PRKD3: variants seen among roughly 807,000 people sequenced by gnomAD.
PRKD3 encodes protein kinase D3, also known as serine/threonine-protein kinase D3.
A neutral mutation model predicts 99.2 loss-of-function variants in PRKD3; 47 were observed. That is an observed-to-expected ratio of 0.47 (90% CI 0.38 to 0.60). The LOEUF (loss-of-function observed/expected upper bound fraction) is 0.60, where lower values mean the gene tolerates loss of function less well. Among genes scored for constraint, PRKD3 ranks in the 20% least tolerant of loss-of-function variants. The probability of loss-of-function intolerance (pLI) is 0.00; values close to 1 mark genes in which losing one functional copy is unlikely to be tolerated. For missense variants in PRKD3, 1,019 were observed against 1,088.4 expected (o/e 0.94, Z 0.90); for synonymous variants, 392 against 355.4 (o/e 1.10, Z -1.16).
At chr2:37,311,886 G>A (rs945053172) in intron 2 of PRKD3, among the ~76,000 whole-genome samples, 1 of 152,078 alleles carries the variant, frequency 6.6e-6, no homozygotes, top group Admixed American at 6.6e-5. Context: ...GTCTAGGAAG[G>A]ACCTGTTTAA....
At position 37,309,850 on chromosome 2, in the gene PRKD3, A is replaced by C. The variant is rs1224577243; in HGVS notation, c.288+6387T>G. ...CGACAGAGCGAGACTCCGTCTCAAAAAAAAAAAAAAAAAAAAAGGCAGCAC... is the reference window on the plus strand; with the variant it reads ...CGACAGAGCGAGACTCCGTCTCAAACAAAAAAAAAAAAAAAAAGGCAGCAC... On this transcript the variant is annotated intron_variant, in intron 2 of 18. Transcript: ENST00000234179. Among the ~76,000 whole-genome samples the C allele has an allele frequency of 2.8e-5, 4 of 144,810 alleles. No homozygotes were observed. In the East Asian group the frequency reaches 7.8e-4, roughly 28 times the overall value.
At chr2:37,293,490 T>C (rs777817414) in intron 2 of PRKD3, among the ~76,000 whole-genome samples, 1 of 152,194 alleles carries the variant, frequency 6.6e-6, no homozygotes, top group Non-Finnish European at 1.5e-5. Flanking sequence ...TAAATAATCA[T>C]TGATGATTTT....
chr2:37,255,678 T>C (rs1405701031), intron 17 of PRKD3, among the ~76,000 whole-genome samples: 1 of 152,158 alleles, frequency 6.6e-6, no homozygotes, highest in Non-Finnish European at 1.5e-5. Flanking sequence ...TTCTGAAGAT[T>C]AGAAAAGTCA....
intron 8 of PRKD3, chr2:37,279,242 T>C (rs1669723081): frequency 6.6e-6 from 1 of 152,126 alleles, no homozygotes; most frequent in South Asian, 2.1e-4. Flanking sequence ...TTTAGAATGG[T>C]TTTACAGTCT....
rs763192669 is a variant in PRKD3 at position 37,269,687 on chromosome 2, C to T, written c.1705G>A (p.Asp569Asn). Residue 569 changes from aspartate (D) to asparagine (N), a missense_variant and splice_region_variant, in exon 13 of 19, where the codon GAT becomes AAT. Coordinates refer to ENST00000234179, the MANE Select transcript of PRKD3 (RefSeq NM_005813.6). Reference protein sequence around the residue: ...VSNCQIQENVDISTVYQIFAD... With the variant: ...VSNCQIQENVNISTVYQIFAD... ...AAGATCTGGTAAACAGTACTGATATCCTGGTAGGATAAAGTAAGGAGTTAG... is the reference window on the plus strand; with the variant it reads ...AAGATCTGGTAAACAGTACTGATATTCTGGTAGGATAAAGTAAGGAGTTAG... 1.2e-6 allele frequency: 2 copies of T among 1,603,282 alleles called. No homozygotes were observed. Among genetic ancestry groups the T allele is most frequent in the Non-Finnish European group, 1.7e-6 (2 of 1,171,546 alleles).
In PRKD3 at chr2:37,277,732, G is replaced by C. The variant is rs1572651672; in HGVS notation, c.1296+134C>G. Reference sequence around the variant, plus strand: ...TTACAAATTTAACTATAATTCCAGTGCATCTTTTACAAATTGCTGTGGTGT... The same window carrying C: ...TTACAAATTTAACTATAATTCCAGTCCATCTTTTACAAATTGCTGTGGTGT... On this transcript the variant is annotated intron_variant, in intron 9 of 18. Coordinates refer to ENST00000234179, the MANE Select transcript of PRKD3 (RefSeq NM_005813.6). 35 of 875,786 alleles carry C rather than the reference G, an allele frequency of 4.0e-5. No homozygotes were observed. In the East Asian group the frequency reaches 1.0e-3, roughly 26 times the overall value. 54.3% of individuals were successfully genotyped at this position (875,786 alleles called of 1,614,324 possible). A position where few individuals can be genotyped will look rare whatever the true frequency, so the allele number is the denominator to read the frequency against.
At chr2:37,312,853 A>C (rs1572702639) in intron 2 of PRKD3, among the ~76,000 whole-genome samples, 1 of 152,320 alleles carries the variant, frequency 6.6e-6, no homozygotes, top group Admixed American at 6.5e-5. Flanking sequence ...CTATCCTCCC[A>C]CTAGGAACAA....
chr2:37,306,881 G>C (rs1200328752), intron 2 of PRKD3, among the ~76,000 whole-genome samples: 1 of 152,188 alleles, frequency 6.6e-6, no homozygotes, highest in African/African-American at 2.4e-5. Context: ...ATTCATATTT[G>C]TAAGATTTTA....
At chr2:37,263,167 G>C (rs933748804) in intron 14 of PRKD3, among the ~76,000 whole-genome samples, 3 of 151,906 alleles carry the variant, frequency 2.0e-5, no homozygotes, top group Admixed American at 2.0e-4. Flanking sequence ...TAATATTTGA[G>C]GTTATAAAGC....
In PRKD3 at chr2:37,289,397, T is replaced by C. The variant is rs779610670; in HGVS notation, c.676A>G (p.Arg226Gly). The change falls in exon 5 of 19, where the codon AGA (arginine) becomes GGA (glycine). Residue 226 changes from arginine to glycine, a missense_variant. Transcript: ENST00000234179. Reference sequence around the variant, plus strand: ...GCTACATATTCAGGCTGTAGGGGTCTTGGAACTGAGAGGCCGGGTCCTGGT... The same window carrying C: ...GCTACATATTCAGGCTGTAGGGGTCCTGGAACTGAGAGGCCGGGTCCTGGT... ...SLPGPGLSVPRPLQPEYVALP... is the reference protein window; with the variant it reads ...SLPGPGLSVPGPLQPEYVALP... 1.2e-6 allele frequency: 2 copies of C among 1,614,154 alleles called. No individual in the cohort carries two copies. The highest frequency in any genetic ancestry group is 2.2e-5 in the South Asian group (2 of 91,086).
chr2:37,324,264 T>C (rs889161860), intron 1 of PRKD3: 1 of 983,982 alleles, frequency 1.0e-6, no homozygotes, highest in Non-Finnish European at 1.2e-6. Flanking sequence ...AATTCGGCAC[T>C]GCGAGCGCCG....
intron 2 of PRKD3, among the ~76,000 whole-genome samples, chr2:37,312,536 T>C (rs1306281231): frequency 6.6e-6 from 1 of 152,202 alleles, no homozygotes; most frequent in Non-Finnish European, 1.5e-5. Flanking sequence ...CTTTTCACAG[T>C]CTATTTAGTG....
chr2:37,279,951 T>G (rs1434609696), intron 7 of PRKD3, 22 bp from the exon 8 acceptor site: 1 of 1,532,232 alleles, frequency 6.5e-7, no homozygotes, highest in Non-Finnish European at 8.9e-7. Context: ...TTAAATGAAT[T>G]TCAGAGTTTT....
intron 9 of PRKD3, among the ~76,000 whole-genome samples, chr2:37,277,438 T>C (rs1041328208): frequency 6.6e-6 from 1 of 152,208 alleles, no homozygotes; most frequent in African/African-American, 2.4e-5. Flanking sequence ...AATGTCATCA[T>C]TCCTCGTCTT....
chr2:37,256,523 A>T, intron 17 of PRKD3, 139 bp downstream of exon 17: 1 of 1,131,876 alleles, frequency 8.8e-7, no homozygotes, highest in Non-Finnish European at 1.2e-6. Context: ...ACTGGTAACT[A>T]GTTGAATTTG....
chr2:37,255,594 T>G (rs1181998580), intron 17 of PRKD3, among the ~76,000 whole-genome samples: 1 of 152,122 alleles, frequency 6.6e-6, no homozygotes, highest in Non-Finnish European at 1.5e-5. Context: ...CTGCAGTGTG[T>G]CTGGTGATTA....
At chr2:37,316,138 C>T in intron 2 of PRKD3, 99 bp downstream of exon 2, 1 of 1,242,972 alleles carries the variant, frequency 8.0e-7, no homozygotes, top group South Asian at 1.4e-5. Context: ...GAATAAACTA[C>T]TGATGGATCA....
intron 7 of PRKD3, 43 bp from the exon 8 acceptor site, chr2:37,279,972 A>G (rs1669771681): frequency 1.5e-6 from 2 of 1,368,256 alleles, no homozygotes; most frequent in Non-Finnish European, 2.0e-6. Context: ...ATATTAATAG[A>G]GGAAGTCCAT....
chr2:37,323,962 A>T lies in PRKD3; in HGVS notation c.-656+719T>A, dbSNP rs529100874. Reference sequence around the variant, plus strand: ...TCGCTTGAATCGTATGTGTGCCTGCAGACGGCAAGGCCTATGCCTCTGACT... The same window carrying T: ...TCGCTTGAATCGTATGTGTGCCTGCTGACGGCAAGGCCTATGCCTCTGACT... On this transcript the variant is annotated intron_variant, in intron 1 of 18. Transcript: ENST00000234179. Among the ~76,000 whole-genome samples, 73 of 151,838 alleles carry T rather than the reference A, an allele frequency of 4.8e-4. No homozygotes were observed. In the South Asian group the frequency reaches 0.015, roughly 31 times the overall value.
Sources: allele counts gnomAD v4.1 joint callset (sites outside exome capture counted in the v4.1 genomes callset), GRCh38; gene constraint gnomAD v4.1.1; transcripts MANE v1.5; gene names NCBI Gene and HGNC (gene_info 2026-07-23, HGNC 2026-07-21).